MYH16: variants seen among roughly 807,000 people sequenced by gnomAD.
MYH16 encodes the protein putative uncharacterized protein MYH16.
chr7:99,251,241 C>A (rs1293494944), intron 6 of MYH16: 4 of 176,758 alleles, frequency 2.3e-5, no homozygotes, highest in Non-Finnish European at 5.0e-5. Flanking sequence ...GGGGTCACGA[C>A]CCCGCCCCAG....
chr7:99,294,177 C>A (rs1584356923), intron 33 of MYH16, 27 bp downstream of exon 14: 1 of 448,472 alleles, frequency 2.2e-6, no homozygotes. Flanking sequence ...CTCAAAGCTG[C>A]CTATTTACCG....
At chr7:99,271,880 A>G (rs548675041) in intron 19 of MYH16, among the ~76,000 whole-genome samples, 6 of 152,104 alleles carry the variant, frequency 3.9e-5, no homozygotes, top group African/African-American at 1.4e-4. Flanking sequence ...TTTTTTTGGT[A>G]GAGACAAGGT....
chr7:99,272,880 G>A (rs1792066526), intron 19 of MYH16, among the ~76,000 whole-genome samples: 1 of 152,202 alleles, frequency 6.6e-6, no homozygotes, highest in Admixed American at 6.5e-5. Context: ...AGGGATACCA[G>A]TTAGGGGCTG....
intron 37 of MYH16, among the ~76,000 whole-genome samples, chr7:99,300,985 A>T (rs1344797368): frequency 6.6e-6 from 1 of 152,096 alleles, no homozygotes; most frequent in African/African-American, 2.4e-5. Flanking sequence ...ACTTGAGGTC[A>T]GGAGTTTGAG....
chr7:99,270,106 C>CTCATGATT (rs1792030650), intron 18 of MYH16, among the ~76,000 whole-genome samples: 1 of 151,428 alleles, frequency 6.6e-6, no homozygotes, highest in Admixed American at 6.6e-5. Flanking sequence ...AACTCCTGAT[C>CTCATGATT]TGCCCGTCTC....
intron 20 of MYH16, among the ~76,000 whole-genome samples, chr7:99,275,072 G>C (rs1450317310): frequency 1.3e-5 from 2 of 151,984 alleles, no homozygotes; most frequent in African/African-American, 4.8e-5. Context: ...ATAGCTCACT[G>C]CAGCCTCTAA....
chr7:99,294,554 A>AAAT (rs1554339325), intron 33 of MYH16, among the ~76,000 whole-genome samples: 2 of 132,884 alleles, frequency 1.5e-5, no homozygotes, highest in Admixed American at 8.2e-5. Flanking sequence ...AGAAAAAAAA[A>AAAT]ATATATATAT....
intron 25 of MYH16, 51 bp downstream of exon 7, chr7:99,284,069 G>A: frequency 2.5e-6 from 1 of 405,602 alleles, no homozygotes; most frequent in Admixed American, 2.7e-5. Flanking sequence ...GCAATAGCTG[G>A]AGCTGCCTGG....
chr7:99,266,275 C>T (rs1370585680), intron 17 of MYH16, among the ~76,000 whole-genome samples: 1 of 152,188 alleles, frequency 6.6e-6, no homozygotes, highest in African/African-American at 2.4e-5. Flanking sequence ...TCTTCCCATT[C>T]CCCACTCTGC....
intron 2 of MYH16, among the ~76,000 whole-genome samples, chr7:99,246,984 C>T (rs184989231): frequency 1.8e-3 from 268 of 152,208 alleles, no homozygotes; most frequent in African/African-American, 6.2e-3. Flanking sequence ...TATCATAAAT[C>T]GACTTTCAAT....
At chr7:99,241,501 T>C (rs1791666461) in intron 1 of MYH16, among the ~76,000 whole-genome samples, 2 of 152,136 alleles carry the variant, frequency 1.3e-5, no homozygotes, top group Admixed American at 1.3e-4. Flanking sequence ...GAGAATTGCC[T>C]GAACCCAGGA....
intron 6 of MYH16, among the ~76,000 whole-genome samples, chr7:99,251,430 G>C (rs529047519): frequency 1.3e-5 from 2 of 152,268 alleles, no homozygotes; most frequent in South Asian, 2.1e-4. Context: ...ACTCTTCCTA[G>C]CCAGTCCAAT....
At chr7:99,285,534 A>G (rs542215414) in intron 27 of MYH16, 96 bp downstream of exon 9, 1 of 436,470 alleles carries the variant, frequency 2.3e-6, no homozygotes, top group South Asian at 1.6e-5. Flanking sequence ...AAACCAGTAG[A>G]GAAGGCAGGT....
At chr7:99,291,421 T>A (rs538726223) in exon 31 of MYH16, 1 of 456,432 alleles carries the variant, frequency 2.2e-6, no homozygotes, top group Non-Finnish European at 4.4e-6. Context: ...AGTGGATGAT[T>A]ACAAGAGGCA....
chr7:99,264,525 G>A (rs1010498888), intron 15 of MYH16, among the ~76,000 whole-genome samples: 4 of 152,306 alleles, frequency 2.6e-5, no homozygotes, highest in African/African-American at 7.2e-5. Flanking sequence ...TTTGTGCAGC[G>A]TGATCACGCG....
chr7:99,277,510 A>G (rs1792131579), intron 20 of MYH16, 29 bp from the exon 3 acceptor site: 1 of 452,444 alleles, frequency 2.2e-6, no homozygotes, highest in Non-Finnish European at 4.4e-6. Context: ...CCATTCTCCT[A>G]ACACTCTTTG....
chr7:99,303,804 A>G (rs191933285), intron 39 of MYH16, among the ~76,000 whole-genome samples: 8 of 152,324 alleles, frequency 5.3e-5, no homozygotes, highest in Non-Finnish European at 1.0e-4. Flanking sequence ...CCTGTCTCAG[A>G]ACATGAAATA....
At chr7:99,276,855 G>C (rs886619) in intron 20 of MYH16, among the ~76,000 whole-genome samples, 15,117 of 150,970 alleles carry the variant, frequency 0.1, 1,773 homozygotes, top group African/African-American at 0.28. Context: ...CACAGAAAAT[G>C]AGAGAGAGAG....
chr7:99,275,400 G>A (rs1044528127), intron 20 of MYH16, among the ~76,000 whole-genome samples: 10 of 152,170 alleles, frequency 6.6e-5, no homozygotes, highest in Admixed American at 2.0e-4. Flanking sequence ...AATTACAGGC[G>A]TGAGCCACTG....
Sources: allele counts gnomAD v4.1 joint callset (sites outside exome capture counted in the v4.1 genomes callset), GRCh38; gene constraint gnomAD v4.1.1; transcripts MANE v1.5; gene names NCBI Gene and HGNC (gene_info 2026-07-23, HGNC 2026-07-21).